The following ABCB1 variants were observed in gnomAD, a reference collection of about 807,000 sequenced individuals.
ABCB1 encodes the protein ATP-dependent translocase ABCB1.
ABCB1 carries 69 observed loss-of-function variants against 142.0 expected under a neutral mutation model. The observed-to-expected ratio is 0.49, with a 90% CI of 0.40 to 0.59. The LOEUF is 0.59. Among genes scored for constraint, ABCB1 ranks in the 20% least tolerant of loss-of-function variants. The pLI is 0.00. For synonymous variants in ABCB1, 532 were observed against 539.2 expected (o/e 0.99, Z 0.18); for missense variants, 1,326 against 1,554.7 (o/e 0.85, Z 2.47).
chr7:87,588,154 TTG>T (rs1014176451), intron 3 of ABCB1, among the ~76,000 whole-genome samples: 8 of 118,592 alleles, frequency 6.7e-5, no homozygotes, highest in Admixed American at 6.5e-4. Flanking sequence ...ATATTTCCTT[TTG>T]TTTTTTTTTT....
chr7:87,566,719 G>A, intron 6 of ABCB1, 66 bp downstream of exon 6: 1 of 1,420,150 alleles, frequency 7.0e-7, no homozygotes, highest in Non-Finnish European at 9.9e-7. Flanking sequence ...CAGATGTGAT[G>A]ACATCTATTT....
intron 23 of ABCB1, chr7:87,519,015 T>C: frequency 2.5e-6 from 1 of 401,590 alleles, no homozygotes; most frequent in East Asian, 4.9e-5. Flanking sequence ...TCAGACTCCT[T>C]GCTCAGGGCT....
intron 21 of ABCB1, chr7:87,522,231 T>A: frequency 8.6e-7 from 1 of 1,156,838 alleles, no homozygotes; most frequent in Non-Finnish European, 1.3e-6. Flanking sequence ...TTGGAGGTGG[T>A]GTAATGATTT....
At chr7:87,710,955 G>T (rs185671704) in intron 1 of ABCB1, among the ~76,000 whole-genome samples, 1 of 152,160 alleles carries the variant, frequency 6.6e-6, no homozygotes, top group African/African-American at 2.4e-5. Context: ...TTCCCTGATG[G>T]ATTTGAATTT....
intron 25 of ABCB1, 152 bp from the exon 26 acceptor site, chr7:87,509,633 C>A (rs1814916783): frequency 1.3e-6 from 1 of 795,816 alleles, no homozygotes; most frequent in Non-Finnish European, 2.1e-6. Context: ...AAGGTTAACC[C>A]AACAAGGTCA....
intron 14 of ABCB1, among the ~76,000 whole-genome samples, chr7:87,548,570 A>G (rs1478545728): frequency 6.6e-6 from 1 of 152,222 alleles, no homozygotes; most frequent in Admixed American, 6.5e-5. Flanking sequence ...TTGTTTTATT[A>G]GAGACAGGGA....
chr7:87,701,263 C>CA (rs1267615371), intron 1 of ABCB1, among the ~76,000 whole-genome samples: 1 of 151,868 alleles, frequency 6.6e-6, no homozygotes, highest in Non-Finnish European at 1.5e-5. Flanking sequence ...GATATTTTCT[C>CA]AAAAAAAGAA....
chr7:87,665,398 C>A (rs1825123426), intron 1 of ABCB1, among the ~76,000 whole-genome samples: 1 of 152,078 alleles, frequency 6.6e-6, no homozygotes, highest in African/African-American at 2.4e-5. Context: ...AACCTCTGTA[C>A]ACTGAAAGTT....
chr7:87,622,673 GT>G (rs1820266686), intron 1 of ABCB1, among the ~76,000 whole-genome samples: 1 of 152,160 alleles, frequency 6.6e-6, no homozygotes, highest in Non-Finnish European at 1.5e-5. Context: ...CAGTATGGGA[GT>G]TTTGTGTTTA....
At chr7:87,634,397 G>C (rs1821532803) in intron 1 of ABCB1, among the ~76,000 whole-genome samples, 1 of 150,194 alleles carries the variant, frequency 6.7e-6, no homozygotes. Flanking sequence ...TGAGGCAGAT[G>C]GATCACCTGA....
chr7:87,628,439 T>G, intron 1 of ABCB1: 3 of 160,568 alleles, frequency 1.9e-5, no homozygotes, highest in Non-Finnish European at 2.7e-5. Context: ...CTGCGGAGTG[T>G]GGGTGGTTGG....
intron 1 of ABCB1, chr7:87,629,001 G>A (rs1820910168): frequency 1.5e-6 from 2 of 1,290,986 alleles, no homozygotes; most frequent in Non-Finnish European, 2.0e-6. Flanking sequence ...AGAGCTCTGG[G>A]CTTCCGCGCG....
rs560103746 is a variant in ABCB1, at chr7:87,555,846, T to G, written c.828-1914A>C. Among the ~76,000 whole-genome samples the G allele has an allele frequency of 2.6e-5, 4 of 152,326 alleles. No homozygotes were observed. In the South Asian group the frequency reaches 8.3e-4, roughly 32 times the overall value. ...TATATTTAAGGACATTTAATACATA[T>G]GTACTATACTCTGTTATCTCCTTTA... On this transcript the variant is annotated intron_variant, in intron 8 of 27. Transcript: ENST00000622132.
At chr7:87,524,709 C>T (rs1441872228) in intron 21 of ABCB1, among the ~76,000 whole-genome samples, 1 of 150,700 alleles carries the variant, frequency 6.6e-6, no homozygotes, top group African/African-American at 2.4e-5. Flanking sequence ...ACGTTGTGTA[C>T]ATGTATCCTA....
intron 1 of ABCB1, among the ~76,000 whole-genome samples, chr7:87,667,279 T>C (rs10254392): frequency 0.048 from 7,347 of 152,234 alleles, 259 homozygotes; most frequent in East Asian, 0.09. Flanking sequence ...CTGATTTGGC[T>C]GTAAGTTTGG....
At chr7:87,654,817 G>A (rs932776638) in intron 1 of ABCB1, among the ~76,000 whole-genome samples, 2 of 151,946 alleles carry the variant, frequency 1.3e-5, no homozygotes, top group African/African-American at 4.8e-5. Flanking sequence ...CGGATAAGGG[G>A]CTAATTTCCA....
intron 9 of ABCB1, among the ~76,000 whole-genome samples, chr7:87,553,474 CCACGCCCGGCTA>C (rs1262222438): frequency 6.6e-6 from 1 of 151,958 alleles, no homozygotes; most frequent in African/African-American, 2.4e-5. Flanking sequence ...GCGCCCGCCA[CCACGCCCGGCTA>C]ATTTTTTGTA....
At chr7:87,575,088 T>C (rs972974316) in intron 4 of ABCB1, among the ~76,000 whole-genome samples, 1 of 152,148 alleles carries the variant, frequency 6.6e-6, no homozygotes, top group African/African-American at 2.4e-5. Context: ...CATTAGACCT[T>C]TCTACCTGGC....
In ABCB1 at chr7:87,659,271, G is replaced by A. The variant is rs1399902699; in HGVS notation, c.-331+53890C>T. ...CCATTTTACTTTTAGTTTTCTGTTT[G>A]TTCCCCCTGTTCTTGGTTTCTCTGT... is the stretch of plus-strand genomic sequence containing the variant. On this transcript the variant is annotated intron_variant, in intron 1 of 28. Coordinates refer to the ABCB1 transcript ENST00000265724. 128 of 405,876 alleles carry A rather than the reference G, an allele frequency of 3.2e-4. 1 individual carries two copies. Among genetic ancestry groups the A allele is most frequent in the Non-Finnish European group, 3.4e-5 (7 of 204,736 alleles). The allele number at this position is 405,876 out of a possible 1,614,324, so 25.1% of individuals were successfully genotyped here. A position where few individuals can be genotyped will look rare whatever the true frequency, so the allele number is the denominator to read the frequency against.
Sources: gnomAD v4.1 joint callset for allele counts (sites outside exome capture counted in the v4.1 genomes callset) on GRCh38, gnomAD v4.1.1 for gene constraint, MANE v1.5 for transcripts, NCBI Gene and HGNC (gene_info 2026-07-23, HGNC 2026-07-21) for gene names.